The following PCDH15 variants were observed in gnomAD, a reference collection of about 807,000 sequenced individuals.
The protein encoded by PCDH15 is protocadherin-15.
PCDH15 carries 129 observed loss-of-function variants against 178.5 expected under a neutral mutation model. The ratio of observed to expected loss-of-function variants is 0.72; its 90% CI spans 0.63 to 0.84. PCDH15 has a LOEUF of 0.84. Among genes scored for constraint, PCDH15 ranks in the 40% least tolerant of loss-of-function variants. The pLI is 0.00. For missense variants in PCDH15, 2,230 were observed against 2,099.9 expected, an observed-to-expected ratio of 1.06 and a Z score of -1.21; for synonymous variants, 800 against 732.0, an observed-to-expected ratio of 1.09 and a Z score of -1.50.
intron 1 of PCDH15, among the ~76,000 whole-genome samples, chr10:55,228,806 A>G (rs956096959): frequency 1.8e-4 from 28 of 152,004 alleles, no homozygotes; most frequent in South Asian, 1.7e-3. Context: ...CTCCTGATCT[A>G]GTGATCTTAT....
chr10:55,022,963 A>G (rs1840373855), intron 2 of PCDH15, among the ~76,000 whole-genome samples: 1 of 150,878 alleles, frequency 6.6e-6, no homozygotes, highest in Non-Finnish European at 1.5e-5. Context: ...TTTTTTTGAT[A>G]AGGAGTCTTG....
At chr10:55,206,326 C>A (rs1037712043) in intron 1 of PCDH15, among the ~76,000 whole-genome samples, 1 of 152,068 alleles carries the variant, frequency 6.6e-6, no homozygotes, top group African/African-American at 2.4e-5. Context: ...AAGTTGTGAT[C>A]TAGCTTTTGC....
At chr10:54,348,382 T>C (rs866819634) in intron 5 of PCDH15, among the ~76,000 whole-genome samples, 1 of 152,144 alleles carries the variant, frequency 6.6e-6, no homozygotes, top group Non-Finnish European at 1.5e-5. Flanking sequence ...GTTTAAGTAG[T>C]ACCTATGAGG....
chr10:54,757,240 C>A, intron 1 of PCDH15, among the ~76,000 whole-genome samples: 1 of 145,578 alleles, frequency 6.9e-6, no homozygotes. Flanking sequence ...AAATTTCTGT[C>A]TATATCACCT....
chr10:55,376,604 T>C (rs1837399773), intron 2 of PCDH15, among the ~76,000 whole-genome samples: 1 of 152,162 alleles, frequency 6.6e-6, no homozygotes, highest in Non-Finnish European at 1.5e-5. Flanking sequence ...AATATTCCCA[T>C]ATAAATATGG....
intron 15 of PCDH15, among the ~76,000 whole-genome samples, chr10:54,131,441 T>C (rs779355867): frequency 5.3e-5 from 8 of 152,182 alleles, no homozygotes; most frequent in Non-Finnish European, 1.2e-4. Context: ...TCTTAATATT[T>C]GATTTTTTCT....
chr10:55,385,085 C>A (rs1837619809), intron 2 of PCDH15, among the ~76,000 whole-genome samples: 2 of 152,052 alleles, frequency 1.3e-5, no homozygotes, highest in African/African-American at 4.8e-5. Context: ...CATACACATA[C>A]CATTATGATA....
At chr10:53,840,530 C>A in intron 28 of PCDH15, 34 bp from the exon 29 acceptor site, 1 of 1,584,896 alleles carries the variant, frequency 6.3e-7, no homozygotes, top group Non-Finnish European at 8.7e-7. Flanking sequence ...CATGACAGTC[C>A]AATGGGCTTT....
chr10:55,404,708 G>A (rs1056295394), intron 2 of PCDH15, among the ~76,000 whole-genome samples: 1 of 151,804 alleles, frequency 6.6e-6, no homozygotes, highest in Non-Finnish European at 1.5e-5. Context: ...GGACTAATAT[G>A]TTTAACATTT....
intron 3 of PCDH15, among the ~76,000 whole-genome samples, chr10:54,527,397 G>A (rs141268549): frequency 1.5e-4 from 23 of 151,868 alleles, no homozygotes; most frequent in Non-Finnish European, 2.6e-4. Flanking sequence ...ATGTCTAATC[G>A]GCTGTGGATC....
At chr10:54,280,281 G>GTTT (rs60842227) in intron 8 of PCDH15, among the ~76,000 whole-genome samples, 3 of 142,728 alleles carry the variant, frequency 2.1e-5, no homozygotes, top group African/African-American at 2.5e-5. Context: ...AAAATTTCTA[G>GTTT]TTTTTTTTTT....
At chr10:54,276,397 T>A (rs11004200) in intron 8 of PCDH15, among the ~76,000 whole-genome samples, 1 of 151,088 alleles carries the variant, frequency 6.6e-6, no homozygotes, top group African/African-American at 2.4e-5. Flanking sequence ...TAAGAGAATG[T>A]TGAACAAGTC....
At chr10:55,200,392 G>A (rs922308154) in intron 1 of PCDH15, among the ~76,000 whole-genome samples, 2 of 152,098 alleles carry the variant, frequency 1.3e-5, no homozygotes, top group Non-Finnish European at 2.9e-5. Flanking sequence ...TGTCTGGAAT[G>A]GAATCATTTA....
chr10:54,682,745 G>A (rs2094922279), intron 1 of PCDH15, among the ~76,000 whole-genome samples: 3 of 152,276 alleles, frequency 2.0e-5, no homozygotes, highest in East Asian at 1.9e-4. Flanking sequence ...ACCCATGTGT[G>A]TGTGCATAGT....
intron 3 of PCDH15, among the ~76,000 whole-genome samples, chr10:54,515,602 C>T (rs1411365929): frequency 6.6e-6 from 1 of 152,210 alleles, no homozygotes; most frequent in East Asian, 1.9e-4. Context: ...CAGACTTAAA[C>T]GTCCTTGTCT....
At chr10:54,203,892 C>T (rs1036642781) in intron 10 of PCDH15, among the ~76,000 whole-genome samples, 2 of 152,126 alleles carry the variant, frequency 1.3e-5, no homozygotes, top group Non-Finnish European at 2.9e-5. Flanking sequence ...ATTCAACTCT[C>T]AAGTAGACAA....
intron 2 of PCDH15, among the ~76,000 whole-genome samples, chr10:54,934,889 C>T (rs1837867148): frequency 6.6e-6 from 1 of 151,950 alleles, no homozygotes; most frequent in Admixed American, 6.6e-5. Flanking sequence ...CCATGGAATA[C>T]TATGCAGCCA....
intron 3 of PCDH15, among the ~76,000 whole-genome samples, chr10:54,436,146 A>AAGG (rs1565271919): frequency 0.013 from 1,845 of 147,364 alleles, 37 homozygotes; most frequent in African/African-American, 0.044. Context: ...AGAAAGAAAG[A>AAGG]AAGGAAGGAA....
At position 54,349,549 on chromosome 10, in the gene PCDH15, A is replaced by G. The variant is rs187835675; in HGVS notation, c.475-3065T>C. On this transcript the variant is annotated intron_variant, in intron 5 of 37. Coordinates refer to ENST00000644397, the MANE Select transcript of PCDH15 (RefSeq NM_001384140.1). ...GAAAAGGCCACATAAAAGTAGCATG[A>G]TGTCTTAATATATTACCATCAAGTA... Among the ~76,000 whole-genome samples the G allele has an allele frequency of 2.0e-5, 3 of 152,330 alleles. No homozygotes were observed. The East Asian group carries it at 5.8e-4, about 29-fold the overall frequency.
Sources: gnomAD v4.1 joint callset for allele counts (sites outside exome capture counted in the v4.1 genomes callset) on GRCh38, gnomAD v4.1.1 for gene constraint, MANE v1.5 for transcripts, NCBI Gene and HGNC (gene_info 2026-07-23, HGNC 2026-07-21) for gene names.